The following COL13A1 variants were observed in gnomAD, a reference collection of about 807,000 sequenced individuals.
COL13A1 encodes the protein collagen alpha-1(XIII) chain.
A neutral mutation model predicts 130.9 loss-of-function variants in COL13A1; 89 were observed. The ratio of observed to expected loss-of-function variants is 0.68; its 90% CI spans 0.57 to 0.81. The LOEUF is 0.81. Ranked by LOEUF, COL13A1 falls within the 30% of genes least tolerant of loss-of-function variation. The probability of loss-of-function intolerance (pLI) is 0.00; values close to 1 mark genes in which losing one functional copy is unlikely to be tolerated. For missense variants in COL13A1, 879 were observed against 934.6 expected (o/e 0.94, Z 0.78); for synonymous variants, 402 against 341.6 (o/e 1.18, Z -1.95).
intron 4 of COL13A1, among the ~76,000 whole-genome samples, chr10:69,872,709 A>G (rs2059192744): frequency 6.6e-6 from 1 of 152,248 alleles, no homozygotes; most frequent in Non-Finnish European, 1.5e-5. Flanking sequence ...GGGACAAAAA[A>G]TATAGCCATC....
At chr10:69,805,103 T>G (rs1235213722) in intron 1 of COL13A1, among the ~76,000 whole-genome samples, 1 of 151,710 alleles carries the variant, frequency 6.6e-6, no homozygotes, top group African/African-American at 2.4e-5. Flanking sequence ...ACTGGGAGTG[T>G]GAGGAAGTAG....
intron 1 of COL13A1, among the ~76,000 whole-genome samples, chr10:69,818,083 C>T (rs1452331502): frequency 2.6e-5 from 4 of 152,162 alleles, no homozygotes; most frequent in African/African-American, 9.7e-5. Context: ...GCCTTCTCTC[C>T]CAAACTCCAG....
At chr10:69,876,910 A>G (rs1219203847) in intron 5 of COL13A1, among the ~76,000 whole-genome samples, 1 of 152,178 alleles carries the variant, frequency 6.6e-6, no homozygotes, top group Non-Finnish European at 1.5e-5. Flanking sequence ...CAAAATGCAA[A>G]GTGGCAGCTC....
At chr10:69,934,113 T>G (rs575448566) in intron 31 of COL13A1, among the ~76,000 whole-genome samples, 19 of 152,274 alleles carry the variant, frequency 1.2e-4, no homozygotes, top group Non-Finnish European at 2.8e-4. Context: ...ATCTGATACA[T>G]CAAGAAAATG....
At chr10:69,829,153 C>T (rs1848218135) in intron 2 of COL13A1, 1 of 836,676 alleles carries the variant, frequency 1.2e-6, no homozygotes, top group East Asian at 1.2e-4. Context: ...CCACCATTTC[C>T]CTCACACCCC....
intron 6 of COL13A1, 106 bp downstream of exon 6, chr10:69,878,171 G>A (rs2134243537): frequency 4.4e-6 from 3 of 680,934 alleles, no homozygotes; most frequent in Non-Finnish European, 8.1e-6. Flanking sequence ...GCAGCAGAGG[G>A]TGCTGGCTGG....
At position 69,897,441 on chromosome 10, in the gene COL13A1, C is replaced by T. The variant is rs1183248954; in HGVS notation, c.685-1256C>T. ...CTCTCCCCTCACGGTCCCTGTCGCC[C>T]TGTCTCTGCCACCTCCATCCCCTCC... On this transcript the variant is annotated intron_variant, in intron 13 of 40. Transcript: ENST00000645393. The T allele has an allele frequency of 2.5e-6, 4 of 1,612,566 alleles. No individual in the cohort carries two copies. The East Asian group carries it at 6.7e-5, about 27-fold the overall frequency.
chr10:69,803,550 G>A (rs530079623), intron 1 of COL13A1, among the ~76,000 whole-genome samples: 1 of 152,278 alleles, frequency 6.6e-6, no homozygotes, highest in African/African-American at 2.4e-5. Flanking sequence ...ACAGCACAGG[G>A]GATTCAGGGC....
chr10:69,858,865 A>G (rs1857193307), intron 2 of COL13A1, among the ~76,000 whole-genome samples: 1 of 152,252 alleles, frequency 6.6e-6, no homozygotes, highest in Non-Finnish European at 1.5e-5. Context: ...AGCTGATTCC[A>G]AAGGCTCTGC....
In COL13A1 at chr10:69,930,443, A is replaced by C; in HGVS notation, c.1574A>C (p.Gln525Pro). The C allele has an allele frequency of 6.2e-7, 1 of 1,613,586 alleles. No homozygotes were observed. Among genetic ancestry groups the C allele is most frequent in the African/African-American group, 1.3e-5 (1 of 75,004 alleles). The change falls in exon 30 of 41, where the codon CAA (glutamine) becomes CCA (proline). Residue 525 changes from glutamine (Q) to proline (P), a missense_variant. Around this residue, in one of 3 missense-constraint regions of COL13A1, gnomAD observed 715 missense variants for 721.0 expected, o/e 0.99. Coordinates refer to ENST00000645393, the MANE Select transcript of COL13A1 (RefSeq NM_001368882.1). ...KPGDMGPPGP[Q>P]GPPGKDGPPG... Reference sequence around the variant, plus strand: ...GGAGACATGGGCCCTCCTGGTCCCCAAGGCCCCCCAGGAAAGGATGGACCT... The same window carrying C: ...GGAGACATGGGCCCTCCTGGTCCCCCAGGCCCCCCAGGAAAGGATGGACCT...
chr10:69,836,330 T>G (rs1227781), intron 2 of COL13A1, among the ~76,000 whole-genome samples: 151,719 of 152,344 alleles, frequency 1, 75,550 homozygotes, highest in Middle Eastern at 1. Flanking sequence ...CCGGCCCCAA[T>G]CAAGGCGGGG....
rs753393306 is a variant in COL13A1, at chr10:69,888,289, C to A, written c.550-15C>A. ...TGTGATGCTCAGTCTTTACATCTGG[C>A]CTTTCTGGTTTCAGGGTCCCATTGG... On this transcript the variant is annotated splice_polypyrimidine_tract_variant and intron_variant, in intron 8 of 40. Transcript: ENST00000645393. 10 of 1,612,608 alleles carry A rather than the reference C, an allele frequency of 6.2e-6. No homozygotes were observed. The highest frequency in any genetic ancestry group is 8.5e-6 in the Non-Finnish European group (10 of 1,179,434).
intron 12 of COL13A1, among the ~76,000 whole-genome samples, 171 bp from the exon 13 acceptor site, chr10:69,895,379 G>A (rs1463765625): frequency 6.6e-6 from 1 of 152,180 alleles, no homozygotes; most frequent in Non-Finnish European, 1.5e-5. Context: ...CTAGCCAGGG[G>A]CAAGGGAGGG....
At chr10:69,957,329 A>G (rs982460283) in intron 40 of COL13A1, among the ~76,000 whole-genome samples, 1 of 152,214 alleles carries the variant, frequency 6.6e-6, no homozygotes, top group African/African-American at 2.4e-5. Flanking sequence ...CTTTCCCCCA[A>G]GGAACTTCCC....
chr10:69,947,947 A>G (rs1037954301), intron 38 of COL13A1, among the ~76,000 whole-genome samples: 2 of 152,210 alleles, frequency 1.3e-5, no homozygotes, highest in African/African-American at 4.8e-5. Flanking sequence ...CCACAGCCAC[A>G]TAACAGGGGG....
chr10:69,859,383 T>A (rs556849905), intron 2 of COL13A1, among the ~76,000 whole-genome samples: 1 of 152,346 alleles, frequency 6.6e-6, no homozygotes, highest in Non-Finnish European at 1.5e-5. Flanking sequence ...CTGCAGCCCC[T>A]CCCAGGCCTC....
chr10:69,946,449 G>A (rs1376716588), intron 37 of COL13A1, among the ~76,000 whole-genome samples: 1 of 152,258 alleles, frequency 6.6e-6, no homozygotes, highest in Non-Finnish European at 1.5e-5. Context: ...TCCCACCACT[G>A]TGTTACAGAA....
intron 13 of COL13A1, 78 bp from the exon 14 acceptor site, chr10:69,898,619 G>C: frequency 7.6e-7 from 1 of 1,315,296 alleles, no homozygotes; most frequent in Non-Finnish European, 1.1e-6. Context: ...TGCCCTCCTG[G>C]TGACTTTTGG....
rs375171960 is a variant in COL13A1 at position 69,949,930 on chromosome 10, T to TTG, written c.2058+2605_2058+2606dup. On this transcript the variant is annotated intron_variant, in intron 38 of 40. Transcript: ENST00000645393. ...GGGGGGGTGGGGGGTGCACGCATGT[T>TTG]TGTGTGTGTGTGTGTGTGCGTGTGT... 4.3e-3 allele frequency among the ~76,000 whole-genome samples: 371 copies of TTG among 86,902 alleles called. 2 individuals carry two copies. The highest frequency in any genetic ancestry group is 6.1e-3 in the Non-Finnish European group (242 of 39,630). The allele number at this position is 86,902 out of a possible 152,430, so 57.0% of individuals were successfully genotyped here.
Sources: gnomAD v4.1 joint callset for allele counts (sites outside exome capture counted in the v4.1 genomes callset) on GRCh38, gnomAD v4.1.1 for gene constraint, gnomAD v4.1.1 regional missense constraint, MANE v1.5 for transcripts, NCBI Gene and HGNC (gene_info 2026-07-23, HGNC 2026-07-21) for gene names.